The following SHPRH variants were observed in gnomAD, a reference collection of about 807,000 sequenced individuals.
The protein encoded by SHPRH is E3 ubiquitin-protein ligase SHPRH.
Under a neutral mutation model 202.5 loss-of-function variants are expected in SHPRH, and 106 were observed. That is an observed-to-expected ratio of 0.52 (90% CI 0.45 to 0.62). The LOEUF is 0.62. Among genes scored for constraint, SHPRH ranks in the 20% least tolerant of loss-of-function variants. SHPRH has a pLI of 0.00. For missense variants in SHPRH, 1,710 were observed against 2,020.0 expected, an observed-to-expected ratio of 0.85 and a Z score of 2.94; for synonymous variants, 729 against 686.0, an observed-to-expected ratio of 1.06 and a Z score of -0.98.
At chr6:145,890,437 T>C (rs1781475863) in intron 28 of SHPRH, among the ~76,000 whole-genome samples, 1 of 152,196 alleles carries the variant, frequency 6.6e-6, no homozygotes, top group Non-Finnish European at 1.5e-5. Flanking sequence ...TTGACATTTT[T>C]CATAGCACTT....
chr6:145,941,515 A>G, intron 10 of SHPRH, 108 bp downstream of exon 10: 1 of 1,494,072 alleles, frequency 6.7e-7, no homozygotes, highest in Non-Finnish European at 8.9e-7. Context: ...TTTGACCAAT[A>G]TCAGTACTAC....
chr6:145,940,699 A>C, intron 11 of SHPRH, 24 bp downstream of exon 11: 1 of 1,608,548 alleles, frequency 6.2e-7, no homozygotes. Flanking sequence ...AATGCATGCA[A>C]TATGTGAGGA....
chr6:145,892,166 T>C (rs1160750374), intron 28 of SHPRH, among the ~76,000 whole-genome samples: 1 of 152,172 alleles, frequency 6.6e-6, no homozygotes, highest in Non-Finnish European at 1.5e-5. Context: ...TACTTTATAC[T>C]GCAACAATTC....
intron 28 of SHPRH, among the ~76,000 whole-genome samples, chr6:145,891,643 T>G (rs180923387): frequency 6.6e-6 from 1 of 152,308 alleles, no homozygotes; most frequent in Admixed American, 6.5e-5. Context: ...AGGCAGACTG[T>G]TCAAGTTGAT....
At chr6:145,891,484 CTTAGT>C (rs1413705608) in intron 28 of SHPRH, among the ~76,000 whole-genome samples, 2 of 152,134 alleles carry the variant, frequency 1.3e-5, no homozygotes, top group African/African-American at 2.4e-5. Context: ...CCAGATTGTA[CTTAGT>C]TTATTGTTTA....
At chr6:145,955,493 A>G (rs975655807) in intron 1 of SHPRH, 139 bp from the exon 2 acceptor site, 2 of 730,604 alleles carry the variant, frequency 2.7e-6, no homozygotes, top group Admixed American at 3.4e-5. Flanking sequence ...GCAATGAGTA[A>G]TTTTTTTACC....
chr6:145,884,179 G>A (rs1267089834), downstream of SHPRH: 1 of 152,072 alleles, frequency 6.6e-6, no homozygotes, highest in East Asian at 1.9e-4. Context: ...GTAGTTGCAT[G>A]TTGAATTATC....
chr6:145,937,958 T>C (rs1786299534), intron 11 of SHPRH, among the ~76,000 whole-genome samples: 1 of 152,204 alleles, frequency 6.6e-6, no homozygotes. Flanking sequence ...GTTATCTCAA[T>C]TGCAATTTAA....
rs1781865137 is a variant in SHPRH at position 145,894,744 on chromosome 6, C to G, written c.4608+141G>C. On this transcript the variant is annotated intron_variant, in intron 26 of 29. Transcript: ENST00000275233. ...CACATTTCTCTAAAAATAATTCTAT[C>G]TTCTCTAAAAATAATTCTATCTTAT... The G allele has an allele frequency of 4.9e-6, 3 of 609,874 alleles. No homozygotes were observed. In the Admixed American group the frequency reaches 1.0e-4, roughly 21 times the overall value. 37.8% of individuals were successfully genotyped at this position (609,874 alleles called of 1,614,324 possible). A position where few individuals can be genotyped will look rare whatever the true frequency, so the allele number is the denominator to read the frequency against.
intron 23 of SHPRH, chr6:145,917,615 ATTATAT>A (rs1784071219): frequency 6.6e-6 from 1 of 152,086 alleles, no homozygotes; most frequent in African/African-American, 2.4e-5. Context: ...ATAAAATGAA[ATTATAT>A]TTAATCAATG....
At chr6:145,953,268 G>A (rs986417733) in intron 2 of SHPRH, among the ~76,000 whole-genome samples, 1 of 152,032 alleles carries the variant, frequency 6.6e-6, no homozygotes, top group Non-Finnish European at 1.5e-5. Flanking sequence ...GAATGACAAA[G>A]AGTGTATTTC....
Position 145,879,533 on chromosome 6 carries a change from T to C in SHPRH, c.221+8487A>G, listed in dbSNP as rs373298117. Reference sequence around the variant, plus strand: ...GAAAGGATTTCACTATCTCCTTTGATAGTTTATTCTGCATTCTAAAACTCT... The same window carrying C: ...GAAAGGATTTCACTATCTCCTTTGACAGTTTATTCTGCATTCTAAAACTCT... On this transcript the variant is annotated intron_variant, in intron 2 of 2. Coordinates refer to the SHPRH transcript ENST00000417762. 2.6e-5 allele frequency among the ~76,000 whole-genome samples: 4 copies of C among 152,208 alleles called. No homozygotes were observed. In the South Asian group the frequency reaches 6.2e-4, roughly 24 times the overall value.
downstream of SHPRH, among the ~76,000 whole-genome samples, chr6:145,881,077 ATAAAT>A (rs1342453604): frequency 6.6e-6 from 1 of 152,246 alleles, no homozygotes; most frequent in African/African-American, 2.4e-5. Flanking sequence ...TAAAGCACGC[ATAAAT>A]TATAGTTGGA....
In SHPRH at chr6:145,950,330, G is replaced by C; in HGVS notation, c.916C>G (p.Pro306Ala). 1 of 1,613,188 alleles carries C rather than the reference G, an allele frequency of 6.2e-7. No individual in the cohort carries two copies. Among genetic ancestry groups the C allele is most frequent in the Non-Finnish European group, 8.5e-7 (1 of 1,179,416 alleles). The change falls in exon 4 of 30, where the codon CCC becomes GCC. Residue 306 changes from proline to alanine, a missense_variant. Physicochemically the swap from Pro to Ala is conservative, Grantham distance 27. Coordinates refer to ENST00000275233, the MANE Select transcript of SHPRH (RefSeq NM_001042683.3). ...CAATTGACAGCCTCTCTTTGGTAGG[G>C]TCTCAACACAGGGATCAATGCAGGA... ...QHPALIPVLR[P>A]YQREAVNWML...
At chr6:145,956,636 T>A (rs2128807750) in intron 1 of SHPRH, among the ~76,000 whole-genome samples, 1 of 152,194 alleles carries the variant, frequency 6.6e-6, no homozygotes, top group South Asian at 2.1e-4. Flanking sequence ...ACAAAAAATA[T>A]GTGTATAAAT....
downstream of SHPRH, among the ~76,000 whole-genome samples, chr6:145,863,710 A>G (rs563651950): frequency 3.9e-5 from 6 of 152,274 alleles, no homozygotes; most frequent in South Asian, 8.3e-4. Context: ...GACGTGGTCA[A>G]TGTCAAAGAG....
chr6:145,946,783 T>A (rs1305360795), intron 6 of SHPRH, among the ~76,000 whole-genome samples: 1 of 151,960 alleles, frequency 6.6e-6, no homozygotes, highest in Non-Finnish European at 1.5e-5. Flanking sequence ...GAAAGGCTAA[T>A]TCTGCAAACT....
intron 1 of SHPRH, among the ~76,000 whole-genome samples, chr6:145,959,738 CTTGT>C (rs1230388096): frequency 6.6e-6 from 1 of 152,184 alleles, no homozygotes; most frequent in Non-Finnish European, 1.5e-5. Context: ...TCAGACAGTG[CTTGT>C]TTAAGTCAAT....
intron 2 of SHPRH, among the ~76,000 whole-genome samples, chr6:145,879,150 C>CT (rs1052722128): frequency 6.6e-6 from 1 of 152,170 alleles, no homozygotes; most frequent in Non-Finnish European, 1.5e-5. Flanking sequence ...CTACATGACT[C>CT]TGCTCTGTTG....
Sources: allele counts gnomAD v4.1 joint callset (sites outside exome capture counted in the v4.1 genomes callset), GRCh38; gene constraint gnomAD v4.1.1; transcripts MANE v1.5; gene names NCBI Gene and HGNC (gene_info 2026-07-23, HGNC 2026-07-21).